The following P3H2 variants were observed in gnomAD, a reference collection of about 807,000 sequenced individuals.
The protein encoded by P3H2 is prolyl 3-hydroxylase 2.
A neutral mutation model predicts 87.0 loss-of-function variants in P3H2; 80 were observed. That is an observed-to-expected ratio of 0.92 (90% confidence interval 0.77 to 1.11). The LOEUF (loss-of-function observed/expected upper bound fraction) is 1.11. Ranked by LOEUF, P3H2 falls within the 50% of genes least tolerant of loss-of-function variation. P3H2 has a pLI of 0.00. For synonymous variants in P3H2, 367 were observed against 359.3 expected, an observed-to-expected ratio of 1.02 and a Z score of -0.24; for missense variants, 1,001 against 923.9, an observed-to-expected ratio of 1.08 and a Z score of -1.08.
Position 189,957,725 on chromosome 3 carries a change from A to AGAGAGAG in P3H2, c.*186_*187insCTCTCTC, listed in dbSNP as rs1560334598. ...AAGAGAGAGAGAGAGAGAGAGAGAG[A>AGAGAGAG]AAACAACCCAAAACAAGAAAGATAG... On this transcript the variant is annotated 3_prime_UTR_variant, in exon 15 of 15. Transcript: ENST00000319332. 3.1e-4 allele frequency: 186 copies of AGAGAGAG among 608,478 alleles called. No individual in the cohort carries two copies. Among genetic ancestry groups the AGAGAGAG allele is most frequent in the Non-Finnish European group, 4.0e-4 (137 of 345,702 alleles). The allele number at this position is 608,478 out of a possible 1,614,324, so 37.7% of individuals were successfully genotyped here. A position where few individuals can be genotyped will look rare whatever the true frequency, so the allele number is the denominator to read the frequency against.
At chr3:190,063,337 C>T (rs1183777287) in intron 1 of P3H2, among the ~76,000 whole-genome samples, 1 of 152,140 alleles carries the variant, frequency 6.6e-6, no homozygotes, top group African/African-American at 2.4e-5. Flanking sequence ...TACTTGTCAG[C>T]ATTCCACAGG....
intron 1 of P3H2, among the ~76,000 whole-genome samples, chr3:190,109,574 C>T (rs1208561252): frequency 6.6e-6 from 1 of 152,194 alleles, no homozygotes. Context: ...CAAGCTGTCT[C>T]ATCATGTTAG....
intron 2 of P3H2, among the ~76,000 whole-genome samples, chr3:189,994,868 C>T (rs560474299): frequency 6.6e-6 from 1 of 151,914 alleles, no homozygotes; most frequent in South Asian, 2.1e-4. Context: ...ATGGGCAAAC[C>T]ACTGGACTGG....
intron 4 of P3H2, 168 bp from the exon 5 acceptor site, chr3:189,987,837 A>G (rs1723754547): frequency 1.3e-6 from 1 of 749,198 alleles, no homozygotes; most frequent in African/African-American, 1.7e-5. Flanking sequence ...AAAAGGAAAG[A>G]CATGATTTCA....
intron 1 of P3H2, among the ~76,000 whole-genome samples, chr3:190,060,862 GTTTGT>G (rs1033589125): frequency 2.6e-5 from 4 of 152,084 alleles, no homozygotes; most frequent in South Asian, 4.1e-4. Flanking sequence ...ATGCTACATG[GTTTGT>G]TTTATTTTGA....
intron 3 of P3H2, among the ~76,000 whole-genome samples, chr3:189,993,140 T>C (rs909086357): frequency 1.3e-5 from 2 of 151,954 alleles, no homozygotes; most frequent in African/African-American, 4.8e-5. Flanking sequence ...CTGGCCAACA[T>C]GGAGAAACCC....
chr3:190,017,997 C>T (rs756625799), intron 1 of P3H2, among the ~76,000 whole-genome samples: 5 of 152,186 alleles, frequency 3.3e-5, no homozygotes, highest in African/African-American at 4.8e-5. Flanking sequence ...TTAGATTACC[C>T]TTCTCATGAA....
chr3:190,067,007 C>T (rs989105449), intron 1 of P3H2, among the ~76,000 whole-genome samples: 12 of 145,104 alleles, frequency 8.3e-5, no homozygotes, highest in African/African-American at 1.1e-4. Context: ...TTTTAATTTT[C>T]TTTCTTTTTT....
chr3:190,117,900 A>T (rs909839665), intron 1 of P3H2, among the ~76,000 whole-genome samples: 5 of 152,148 alleles, frequency 3.3e-5, no homozygotes, highest in African/African-American at 1.2e-4. Flanking sequence ...GCCAGAGAAG[A>T]GAAGTAGGGA....
intron 1 of P3H2, among the ~76,000 whole-genome samples, chr3:190,014,812 C>A (rs991146867): frequency 1.3e-5 from 2 of 151,996 alleles, no homozygotes; most frequent in African/African-American, 4.8e-5. Context: ...GCCTTCAGAG[C>A]CACAGAAACT....
At chr3:190,116,525 A>C (rs1006105173) in intron 1 of P3H2, 1 of 152,218 alleles carries the variant, frequency 6.6e-6, no homozygotes, top group African/African-American at 2.4e-5. Flanking sequence ...AGAAAGACTA[A>C]ACAAGGCCAA....
intron 1 of P3H2, among the ~76,000 whole-genome samples, chr3:190,038,090 T>C (rs1465555646): frequency 6.6e-6 from 1 of 151,952 alleles, no homozygotes; most frequent in Non-Finnish European, 1.5e-5. Flanking sequence ...TAAGAGAAAA[T>C]TAGATCAAAT....
intron 1 of P3H2, among the ~76,000 whole-genome samples, chr3:190,090,115 C>T (rs1162255500): frequency 1.3e-5 from 2 of 152,106 alleles, no homozygotes; most frequent in African/African-American, 2.4e-5. Flanking sequence ...CCTCTGTGCC[C>T]CAACAGACCC....
In P3H2 at chr3:189,958,002, C is replaced by A. The variant is rs1181484190; in HGVS notation, c.2037G>T (p.Glu679Asp). The A allele has an allele frequency of 6.2e-7, 1 of 1,611,868 alleles. No homozygotes were observed. Among genetic ancestry groups the A allele is most frequent in the African/African-American group, 1.3e-5 (1 of 74,882 alleles). Reference protein sequence around the residue: ...FTLDPLYRELERIQADEVIAI... With the variant: ...FTLDPLYRELDRIQADEVIAI... ...CAATCACTTCATCAGCCTGTATTCGCTCCTGCAAAAAAGACAATTTACACA... is the reference window on the plus strand; with the variant it reads ...CAATCACTTCATCAGCCTGTATTCGATCCTGCAAAAAAGACAATTTACACA... Residue 679 changes from glutamate to aspartate, a missense_variant and splice_region_variant, in exon 15 of 15, where the codon GAG (glutamate) becomes GAT (aspartate). Transcript: ENST00000319332.
At chr3:189,974,098 G>T in intron 9 of P3H2, 94 bp from the exon 10 acceptor site, 1 of 978,102 alleles carries the variant, frequency 1.0e-6, no homozygotes, top group Non-Finnish European at 1.7e-6. Flanking sequence ...GAGAACTCTA[G>T]TCAATGCTAA....
intron 1 of P3H2, among the ~76,000 whole-genome samples, chr3:190,098,748 C>T (rs1476793799): frequency 6.6e-6 from 1 of 152,170 alleles, no homozygotes; most frequent in Non-Finnish European, 1.5e-5. Flanking sequence ...GGACCACCAA[C>T]AGTTTCAGAC....
At chr3:190,018,206 G>A (rs1724829820) in intron 1 of P3H2, among the ~76,000 whole-genome samples, 1 of 152,110 alleles carries the variant, frequency 6.6e-6, no homozygotes, top group Admixed American at 6.5e-5. Context: ...CTACCTTGAT[G>A]AACTAATCAC....
At chr3:190,043,000 A>G (rs538386770) in intron 1 of P3H2, among the ~76,000 whole-genome samples, 1 of 152,196 alleles carries the variant, frequency 6.6e-6, no homozygotes, top group Non-Finnish European at 1.5e-5. Flanking sequence ...TTCCTAAACT[A>G]ATTTCCAGTA....
At chr3:190,089,481 C>CATGTGCTCAT (rs1396950697) in intron 1 of P3H2, among the ~76,000 whole-genome samples, 7 of 152,212 alleles carry the variant, frequency 4.6e-5, no homozygotes, top group African/African-American at 1.4e-4. Flanking sequence ...TGTCCAGAGA[C>CATGTGCTCAT]TAGCTCATTA....
Sources: gnomAD v4.1 joint callset for allele counts (sites outside exome capture counted in the v4.1 genomes callset) on GRCh38, gnomAD v4.1.1 for gene constraint, MANE v1.5 for transcripts, NCBI Gene and HGNC (gene_info 2026-07-23, HGNC 2026-07-21) for gene names.